The following SLC24A3 variants were observed in gnomAD, a reference collection of about 807,000 sequenced individuals.
SLC24A3 encodes solute carrier family 24 member 3.
A neutral mutation model predicts 75.8 loss-of-function variants in SLC24A3; 28 were observed. The observed-to-expected ratio is 0.37, with a 90% CI of 0.27 to 0.51. SLC24A3 has a LOEUF of 0.51. Among genes scored for constraint, SLC24A3 ranks in the 20% least tolerant of loss-of-function variants. SLC24A3 has a pLI of 0.94. For synonymous variants in SLC24A3, 372 were observed against 334.1 expected, an observed-to-expected ratio of 1.11 and a Z score of -1.24; for missense variants, 663 against 847.8, an observed-to-expected ratio of 0.78 and a Z score of 2.71.
intron 2 of SLC24A3, among the ~76,000 whole-genome samples, chr20:19,339,461 A>G (rs1985219383): frequency 6.6e-6 from 1 of 152,220 alleles, no homozygotes; most frequent in Admixed American, 6.5e-5. Context: ...TTAGCTGTTC[A>G]AGAATTCTAA....
At chr20:19,708,645 G>T (rs925617248) in intron 15 of SLC24A3, among the ~76,000 whole-genome samples, 3 of 152,172 alleles carry the variant, frequency 2.0e-5, no homozygotes, top group African/African-American at 7.2e-5. Flanking sequence ...TTTACACCAC[G>T]GAAACAGGAC....
At chr20:19,515,599 C>T (rs1600261667) in intron 3 of SLC24A3, 35 bp downstream of exon 3, 3 of 1,609,178 alleles carry the variant, frequency 1.9e-6, no homozygotes, top group Non-Finnish European at 2.6e-6. Context: ...CTGGAGGGTC[C>T]ATAGGCTAGG....
intron 2 of SLC24A3, among the ~76,000 whole-genome samples, chr20:19,398,972 C>G (rs1004252120): frequency 6.6e-6 from 1 of 152,020 alleles, no homozygotes; most frequent in Non-Finnish European, 1.5e-5. Context: ...GATATAAATT[C>G]GATTTCTTTA....
At chr20:19,222,063 AT>A (rs897554281) in intron 1 of SLC24A3, among the ~76,000 whole-genome samples, 3 of 151,714 alleles carry the variant, frequency 2.0e-5, no homozygotes, top group South Asian at 4.2e-4. Flanking sequence ...ATTTCTATAG[AT>A]TTTTTTTAAC....
At chr20:19,439,790 G>T (rs6046097) in intron 2 of SLC24A3, among the ~76,000 whole-genome samples, 38 of 152,276 alleles carry the variant, frequency 2.5e-4, no homozygotes, top group African/African-American at 8.7e-4. Flanking sequence ...TCGCTGATCC[G>T]AGTGATTGAT....
intron 1 of SLC24A3, among the ~76,000 whole-genome samples, chr20:19,225,127 T>G (rs1446295292): frequency 4.6e-5 from 7 of 152,230 alleles, no homozygotes; most frequent in African/African-American, 1.7e-4. Flanking sequence ...TTAGGATGAT[T>G]GACCGTTTTG....
intron 7 of SLC24A3, among the ~76,000 whole-genome samples, chr20:19,655,271 C>T (rs1251220476): frequency 6.6e-6 from 1 of 152,210 alleles, no homozygotes; most frequent in African/African-American, 2.4e-5. Flanking sequence ...TCCTCACGGC[C>T]ATCCAAGTGG....
intron 7 of SLC24A3, among the ~76,000 whole-genome samples, chr20:19,654,722 A>ACTG (rs1156959353): frequency 7.4e-6 from 1 of 135,968 alleles, no homozygotes; most frequent in Non-Finnish European, 1.5e-5. Flanking sequence ...ATCTTGGCTC[A>ACTG]CTGCAAGCTC....
rs150107897 is a variant in SLC24A3, at chr20:19,686,164, A to G, written c.1324+803A>G. 2.0e-5 allele frequency among the ~76,000 whole-genome samples: 3 copies of G among 152,346 alleles called. No homozygotes were observed. In the East Asian group the frequency reaches 5.8e-4, roughly 29 times the overall value. ...TTTTGGTATGAAGGAAGAAATGCCC[A>G]TGACCCGTGTGGGCAAGGCAGCTTG... is the stretch of plus-strand genomic sequence containing the variant. On this transcript the variant is annotated intron_variant, in intron 12 of 16. Transcript: ENST00000328041.
intron 2 of SLC24A3, among the ~76,000 whole-genome samples, chr20:19,505,827 C>A (rs113795768): frequency 0.098 from 14,965 of 152,236 alleles, 779 homozygotes; most frequent in South Asian, 0.1. Context: ...CTGGAGAAAG[C>A]CTTCAGGGAA....
At chr20:19,343,154 A>G (rs537207636) in intron 2 of SLC24A3, among the ~76,000 whole-genome samples, 7 of 152,116 alleles carry the variant, frequency 4.6e-5, no homozygotes, top group Admixed American at 2.6e-4. Context: ...TTGTGGAGGC[A>G]TGGAGTAGTG....
chr20:19,467,521 G>C (rs1987786645), intron 2 of SLC24A3, among the ~76,000 whole-genome samples: 1 of 152,140 alleles, frequency 6.6e-6, no homozygotes, highest in Non-Finnish European at 1.5e-5. Flanking sequence ...ACTCACTTTG[G>C]AGACATAAGC....
At chr20:19,450,500 G>A (rs538012094) in intron 2 of SLC24A3, among the ~76,000 whole-genome samples, 47 of 152,154 alleles carry the variant, frequency 3.1e-4, no homozygotes, top group Non-Finnish European at 5.9e-4. Context: ...AACGTCACGT[G>A]TCATGTTCTC....
chr20:19,237,895 C>T (rs1336494862), intron 1 of SLC24A3, among the ~76,000 whole-genome samples: 1 of 152,138 alleles, frequency 6.6e-6, no homozygotes, highest in Non-Finnish European at 1.5e-5. Context: ...TACTTTCAGT[C>T]GATTTTACGG....
At chr20:19,483,148 A>T (rs1274825297) in intron 2 of SLC24A3, among the ~76,000 whole-genome samples, 2 of 152,230 alleles carry the variant, frequency 1.3e-5, no homozygotes, top group East Asian at 3.9e-4. Flanking sequence ...AGGGGCAATG[A>T]TCAGTCCTGA....
intron 2 of SLC24A3, among the ~76,000 whole-genome samples, chr20:19,399,891 G>A (rs1388766471): frequency 6.6e-6 from 1 of 152,160 alleles, no homozygotes; most frequent in Non-Finnish European, 1.5e-5. Context: ...GTTTCTATTG[G>A]TATATCTTCG....
At chr20:19,377,886 A>C (rs969260007) in intron 2 of SLC24A3, among the ~76,000 whole-genome samples, 4 of 152,148 alleles carry the variant, frequency 2.6e-5, no homozygotes, top group Non-Finnish European at 4.4e-5. Flanking sequence ...AAATCTGCTC[A>C]ATCACATTTT....
In SLC24A3 at chr20:19,212,747, C is replaced by G. The variant is rs190334610; in HGVS notation, c.-96C>G. ...GGAGCGCAGCGAGGACGCGCGGCTG[C>G]TGCGCGCAGGGCTGCCTCCTGCCGC... is the stretch of plus-strand genomic sequence containing the variant. On this transcript the variant is annotated 5_prime_UTR_variant, in exon 1 of 17. Transcript: ENST00000328041. 6.5e-4 allele frequency: 612 copies of G among 936,816 alleles called. 9 individuals carry two copies. The Admixed American group carries it at 0.029, about 45-fold the overall frequency. The allele number at this position is 936,816 out of a possible 1,614,324, so 58.0% of individuals were successfully genotyped here.
intron 1 of SLC24A3, among the ~76,000 whole-genome samples, chr20:19,217,209 C>T (rs1430081209): frequency 4.6e-5 from 7 of 152,218 alleles, no homozygotes; most frequent in South Asian, 2.1e-4. Context: ...GTCAAAGCAG[C>T]GTTAGATGTC....
Sources: allele counts gnomAD v4.1 joint callset (sites outside exome capture counted in the v4.1 genomes callset), GRCh38; gene constraint gnomAD v4.1.1; transcripts MANE v1.5; gene names NCBI Gene and HGNC (gene_info 2026-07-23, HGNC 2026-07-21).